Variants in MEIKIN observed in about 807,000 individuals in gnomAD.
MEIKIN encodes the protein meiotic kinetochore factor, also known as meiosis-specific kinetochore protein.
rs532583605 is a variant in MEIKIN at position 131,891,780 on chromosome 5, C to T, written c.704-12732G>A. 5.9e-5 allele frequency among the ~76,000 whole-genome samples: 9 copies of T among 152,288 alleles called. No individual in the cohort carries two copies. In the South Asian group the frequency reaches 1.9e-3, roughly 32 times the overall value. ...ATTATGATGTCAGCTGGTTATTTTG[C>T]TCATTAGTTGATGCAGCATCTTCGT... is the stretch of plus-strand genomic sequence containing the variant. On this transcript the variant is annotated intron_variant, in intron 8 of 12. Transcript: ENST00000442687.
At chr5:131,939,937 A>C (rs1405250753) in intron 4 of MEIKIN, among the ~76,000 whole-genome samples, 1 of 152,228 alleles carries the variant, frequency 6.6e-6, no homozygotes, top group Non-Finnish European at 1.5e-5. Context: ...CCCATCCAAA[A>C]GCATTTGAGA....
At chr5:131,847,047 T>C (rs545592448) in intron 11 of MEIKIN, among the ~76,000 whole-genome samples, 1 of 152,038 alleles carries the variant, frequency 6.6e-6, no homozygotes, top group South Asian at 2.1e-4. Context: ...AAAATAGCTA[T>C]AGAATATACA....
chr5:131,892,192 T>C (rs906009647), intron 8 of MEIKIN, among the ~76,000 whole-genome samples: 1 of 152,192 alleles, frequency 6.6e-6, no homozygotes, highest in African/African-American at 2.4e-5. Flanking sequence ...CAACTATGTG[T>C]CTTGGATTTG....
intron 9 of MEIKIN, among the ~76,000 whole-genome samples, chr5:131,862,816 A>T (rs1181648093): frequency 2.0e-5 from 3 of 152,056 alleles, no homozygotes; most frequent in African/African-American, 7.2e-5. Flanking sequence ...CCTGCCTCAG[A>T]CTCCTGAGTA....
intron 5 of MEIKIN, among the ~76,000 whole-genome samples, chr5:131,927,774 A>ACCCT (rs1454481270): frequency 1.3e-5 from 2 of 151,464 alleles, no homozygotes; most frequent in Non-Finnish European, 2.9e-5. Context: ...AAATATAGCC[A>ACCCT]CCCTCCTCTC....
chr5:131,818,972 A>G, intron 11 of MEIKIN, 109 bp from the exon 12 acceptor site: 1 of 385,434 alleles, frequency 2.6e-6, no homozygotes, highest in Admixed American at 4.5e-5. Context: ...TTAGATATTA[A>G]TAACAGCAAG....
In MEIKIN at chr5:131,945,592, G is replaced by T; in HGVS notation, c.-87C>A. 1 of 399,622 alleles carries T rather than the reference G, an allele frequency of 2.5e-6. No homozygotes were observed. The highest frequency in any genetic ancestry group is 4.4e-6 in the Non-Finnish European group (1 of 225,760). 24.8% of individuals were successfully genotyped at this position (399,622 alleles called of 1,614,324 possible). A position where few individuals can be genotyped will look rare whatever the true frequency, so the allele number is the denominator to read the frequency against. On this transcript the variant is annotated 5_prime_UTR_variant, in exon 1 of 13. Coordinates refer to ENST00000442687, the MANE Select transcript of MEIKIN (RefSeq NM_001303622.2). Reference sequence around the variant, plus strand: ...GAGGATCAGGGCTAAGTCACAGGGAGTCAGCGTCCAGGCGAGGCCCGCGGA... The same window carrying T: ...GAGGATCAGGGCTAAGTCACAGGGATTCAGCGTCCAGGCGAGGCCCGCGGA...
intron 4 of MEIKIN, among the ~76,000 whole-genome samples, chr5:131,942,317 A>G (rs1203539468): frequency 3.3e-5 from 5 of 152,234 alleles, no homozygotes. Context: ...TCATCTCTGC[A>G]TAGTTAATTT....
At chr5:131,873,103 T>C (rs533688154) in intron 9 of MEIKIN, among the ~76,000 whole-genome samples, 115 of 152,226 alleles carry the variant, frequency 7.6e-4, no homozygotes, top group South Asian at 6.2e-3. Context: ...ACGAGCAAAA[T>C]AGCCAGCTGA....
In MEIKIN at chr5:131,850,814, C is replaced by T. The variant is rs528398924; in HGVS notation, c.975+450G>A. Reference sequence around the variant, plus strand: ...AATTAGCTGGGCATGGTGGTGTATGCCTGCAGTCCTAGCTATTCGAGAGGC... The same window carrying T: ...AATTAGCTGGGCATGGTGGTGTATGTCTGCAGTCCTAGCTATTCGAGAGGC... On this transcript the variant is annotated intron_variant, in intron 11 of 12. Coordinates refer to ENST00000442687, the MANE Select transcript of MEIKIN (RefSeq NM_001303622.2). Among the ~76,000 whole-genome samples the T allele has an allele frequency of 3.3e-5, 5 of 152,162 alleles. No homozygotes were observed. In the South Asian group the frequency reaches 1.0e-3, roughly 32 times the overall value.
rs572151837 is a variant in MEIKIN at position 131,813,717 on chromosome 5, G to A, written c.1099+5023C>T. 6.6e-5 allele frequency among the ~76,000 whole-genome samples: 10 copies of A among 152,114 alleles called. No homozygotes were observed. The South Asian group carries it at 1.5e-3, about 22-fold the overall frequency. On this transcript the variant is annotated intron_variant, in intron 12 of 12. Transcript: ENST00000442687. Reference sequence around the variant, plus strand: ...ACTGGGATTACAGGCTTGAGCCACCGTGCCCAGCCGATCTTTAACTGTATT... The same window carrying A: ...ACTGGGATTACAGGCTTGAGCCACCATGCCCAGCCGATCTTTAACTGTATT...
chr5:131,813,566 A>G (rs1040686693), intron 12 of MEIKIN, among the ~76,000 whole-genome samples: 2 of 151,782 alleles, frequency 1.3e-5, no homozygotes, highest in African/African-American at 4.8e-5. Flanking sequence ...AGCTGGGACT[A>G]CAGGCACCCG....
intron 4 of MEIKIN, among the ~76,000 whole-genome samples, chr5:131,941,740 G>A (rs1302699182): frequency 6.6e-6 from 1 of 152,078 alleles, no homozygotes; most frequent in Admixed American, 6.5e-5. Context: ...CATCTTAAAT[G>A]CACTCATAAC....
At chr5:131,911,787 T>G (rs1580903480) in intron 8 of MEIKIN, 28 bp downstream of exon 8, 2 of 397,012 alleles carry the variant, frequency 5.0e-6, no homozygotes, top group East Asian at 7.2e-5. Context: ...AATTACTACA[T>G]AAAATAATTA....
At chr5:131,944,115 A>G (rs1751920710) in intron 3 of MEIKIN, among the ~76,000 whole-genome samples, 2 of 151,582 alleles carry the variant, frequency 1.3e-5, no homozygotes, top group Non-Finnish European at 2.9e-5. Context: ...TGTCTCCAAA[A>G]AAAAAAAAAA....
chr5:131,909,897 G>A (rs564012518), intron 8 of MEIKIN, among the ~76,000 whole-genome samples: 1 of 152,162 alleles, frequency 6.6e-6, no homozygotes, highest in African/African-American at 2.4e-5. Context: ...TTAAAATGGC[G>A]TTTATCCAAA....
At chr5:131,940,971 G>GC (rs1370766045) in intron 4 of MEIKIN, among the ~76,000 whole-genome samples, 5 of 151,682 alleles carry the variant, frequency 3.3e-5, no homozygotes, top group Admixed American at 6.6e-5. Context: ...TTAAGAGCCA[G>GC]CCCCCCCGAT....
At chr5:131,843,319 T>C (rs182613952) in intron 11 of MEIKIN, among the ~76,000 whole-genome samples, 3 of 152,376 alleles carry the variant, frequency 2.0e-5, no homozygotes, top group East Asian at 1.9e-4. Context: ...CACAAATTTC[T>C]GCAGCTGGCT....
intron 8 of MEIKIN, among the ~76,000 whole-genome samples, chr5:131,879,993 C>T (rs756126936): frequency 1.3e-5 from 2 of 152,126 alleles, no homozygotes; most frequent in Non-Finnish European, 2.9e-5. Flanking sequence ...GATCCGGGCT[C>T]ACGGCAAACT....
Sources: gnomAD v4.1 joint callset for allele counts (sites outside exome capture counted in the v4.1 genomes callset) on GRCh38, gnomAD v4.1.1 for gene constraint, MANE v1.5 for transcripts, NCBI Gene and HGNC (gene_info 2026-07-23, HGNC 2026-07-21) for gene names.